SIL1: variants seen among roughly 807,000 people sequenced by gnomAD.
SIL1 encodes the protein SIL1 nucleotide exchange factor, also known as nucleotide exchange factor SIL1.
Under a neutral mutation model 49.1 loss-of-function variants are expected in SIL1, and 40 were observed. The observed-to-expected ratio is 0.81, with a 90% CI of 0.63 to 1.06. The LOEUF (loss-of-function observed/expected upper bound fraction) is 1.06, where lower values mean the gene tolerates loss of function less well. Among genes scored for constraint, SIL1 ranks in the 50% least tolerant of loss-of-function variants. The probability of loss-of-function intolerance (pLI) is 0.00; values close to 1 mark genes in which losing one functional copy is unlikely to be tolerated. For missense variants in SIL1, 500 were observed against 572.6 expected (o/e 0.87, Z 1.29); for synonymous variants, 253 against 250.8 (o/e 1.01, Z -0.08).
At chr5:139,186,364 C>T (rs1243669071) in intron 1 of SIL1, among the ~76,000 whole-genome samples, 1 of 152,114 alleles carries the variant, frequency 6.6e-6, no homozygotes, top group African/African-American at 2.4e-5. Flanking sequence ...TATGTCCTCC[C>T]CTCCCCCACC....
intron 1 of SIL1, among the ~76,000 whole-genome samples, chr5:139,188,872 A>C (rs1355792476): frequency 6.6e-6 from 1 of 152,202 alleles, no homozygotes; most frequent in Admixed American, 6.5e-5. Flanking sequence ...TGCTGGCTTG[A>C]GCACCTGACA....
intron 7 of SIL1, among the ~76,000 whole-genome samples, chr5:138,964,983 C>CCCAGGGGCCCA (rs1767107067): frequency 6.6e-6 from 1 of 152,194 alleles, no homozygotes. Flanking sequence ...GGAAGCTGAG[C>CCCAGGGGCCCA]CCAGGGGCCC....
chr5:139,103,682 C>T (rs1198899127), intron 3 of SIL1, among the ~76,000 whole-genome samples: 1 of 152,184 alleles, frequency 6.6e-6, no homozygotes, highest in Non-Finnish European at 1.5e-5. Flanking sequence ...AGCAAATTCT[C>T]ACTCCCCTCC....
At chr5:139,109,082 T>C (rs944131435) in intron 3 of SIL1, among the ~76,000 whole-genome samples, 34 of 152,182 alleles carry the variant, frequency 2.2e-4, no homozygotes, top group African/African-American at 7.5e-4. Context: ...AAAACTAAGA[T>C]GGACTCCTGT....
intron 3 of SIL1, among the ~76,000 whole-genome samples, chr5:139,056,899 TGAGAAATCG>T (rs1430937750): frequency 6.6e-6 from 1 of 151,934 alleles, no homozygotes; most frequent in Non-Finnish European, 1.5e-5. Flanking sequence ...GGGAAAAGAT[TGAGAAATCG>T]GATGGTTGCC....
At chr5:139,079,378 C>T (rs1055580009) in intron 3 of SIL1, among the ~76,000 whole-genome samples, 6 of 152,218 alleles carry the variant, frequency 3.9e-5, no homozygotes, top group Admixed American at 3.9e-4. Context: ...ATTAGCACTA[C>T]ATCTCTTCTG....
At chr5:139,002,107 G>A (rs938592068) in intron 7 of SIL1, among the ~76,000 whole-genome samples, 4 of 151,644 alleles carry the variant, frequency 2.6e-5, no homozygotes, top group East Asian at 3.9e-4. Context: ...GCTACCTGGG[G>A]GACTGGGGCA....
intron 7 of SIL1, chr5:139,017,114 T>G (rs1768419172): frequency 6.6e-6 from 1 of 152,244 alleles, no homozygotes; most frequent in African/African-American, 2.4e-5. Flanking sequence ...CCTCCCAAAG[T>G]GCTGGAATTA....
chr5:139,095,274 T>G (rs2151778790), intron 3 of SIL1, among the ~76,000 whole-genome samples: 1 of 150,770 alleles, frequency 6.6e-6, no homozygotes, highest in Middle Eastern at 3.4e-3. Context: ...TCTTTTTTTT[T>G]TTTTTTTTTG....
intron 1 of SIL1, among the ~76,000 whole-genome samples, chr5:139,175,283 T>A (rs1453169338): frequency 6.6e-6 from 1 of 152,138 alleles, no homozygotes; most frequent in Admixed American, 6.5e-5. Context: ...ATCGCACCAC[T>A]GCACTCCAGC....
At chr5:139,039,060 C>G (rs1401979357) in intron 5 of SIL1, among the ~76,000 whole-genome samples, 5 of 152,202 alleles carry the variant, frequency 3.3e-5, no homozygotes, top group Admixed American at 1.3e-4. Flanking sequence ...AGGGTGCACA[C>G]TTGGTCTGTT....
chr5:139,080,918 A>G lies in SIL1; in HGVS notation c.245-29872T>C, dbSNP rs1294782498. Among the ~76,000 whole-genome samples, 3 of 152,354 alleles carry G rather than the reference A, an allele frequency of 2.0e-5. No individual in the cohort carries two copies. In the East Asian group the frequency reaches 5.8e-4, roughly 29 times the overall value. On this transcript the variant is annotated intron_variant, in intron 3 of 9. Transcript: ENST00000394817. ...TTTGTTTTTCGCCAGTCCCATACCC[A>G]TAGAATTTAAATTAGTTTCAATTTA...
chr5:139,099,685 A>G lies in SIL1; in HGVS notation c.244+21350T>C, dbSNP rs1464598048. On this transcript the variant is annotated intron_variant, in intron 3 of 9. Transcript: ENST00000394817. The stretch of plus-strand genomic sequence containing the variant: ...TAAATAAGCCAGGCACAGAAAGACA[A>G]ACATCATATGTTCTTACTTATTTGT... 3.3e-5 allele frequency among the ~76,000 whole-genome samples: 5 copies of G among 152,368 alleles called. No individual in the cohort carries two copies. In the East Asian group the frequency reaches 7.7e-4, roughly 24 times the overall value.
intron 3 of SIL1, among the ~76,000 whole-genome samples, chr5:139,085,357 G>A (rs566811852): frequency 1.3e-5 from 2 of 152,222 alleles, no homozygotes; most frequent in African/African-American, 2.4e-5. Flanking sequence ...AAACCACTTC[G>A]GTTTCTTCAG....
At chr5:139,015,106 G>A (rs1180890035) in intron 7 of SIL1, among the ~76,000 whole-genome samples, 3 of 152,166 alleles carry the variant, frequency 2.0e-5, no homozygotes, top group Non-Finnish European at 4.4e-5. Flanking sequence ...AACAATTCAT[G>A]TCCAAGGTAT....
intron 1 of SIL1, among the ~76,000 whole-genome samples, chr5:139,167,606 A>G (rs115787203): frequency 0.013 from 2,051 of 152,360 alleles, 38 homozygotes; most frequent in African/African-American, 0.042. Context: ...ACAGTTTTAA[A>G]TTTTAAAGTA....
chr5:139,182,794 G>A (rs1203786776), intron 1 of SIL1, among the ~76,000 whole-genome samples: 2 of 152,184 alleles, frequency 1.3e-5, no homozygotes, highest in African/African-American at 4.8e-5. Flanking sequence ...CACAGGAGCA[G>A]GGGGGTTGAG....
chr5:139,004,858 A>C (rs1581022277), intron 7 of SIL1, among the ~76,000 whole-genome samples: 1 of 152,228 alleles, frequency 6.6e-6, no homozygotes, highest in African/African-American at 2.4e-5. Flanking sequence ...CCAGGCACAG[A>C]AAGACAAGTA....
intron 7 of SIL1, among the ~76,000 whole-genome samples, chr5:138,979,891 C>G (rs1195657405): frequency 6.6e-6 from 1 of 152,166 alleles, no homozygotes; most frequent in Non-Finnish European, 1.5e-5. Context: ...ACGGCATCAT[C>G]AATAACAAAC....
Sources: gnomAD v4.1 joint callset for allele counts (sites outside exome capture counted in the v4.1 genomes callset) on GRCh38, gnomAD v4.1.1 for gene constraint, MANE v1.5 for transcripts, NCBI Gene and HGNC (gene_info 2026-07-23, HGNC 2026-07-21) for gene names.